The following PTPRN2 variants were observed in gnomAD, a reference collection of about 807,000 sequenced individuals.
PTPRN2 encodes the protein protein tyrosine phosphatase receptor type N2.
A neutral mutation model predicts 118.8 loss-of-function variants in PTPRN2; 74 were observed. The observed-to-expected ratio is 0.62, with a 90% confidence interval of 0.52 to 0.76. PTPRN2 has a LOEUF of 0.76. PTPRN2 is among the 30% of genes least tolerant of loss of function. PTPRN2 has a pLI of 0.00. For synonymous variants in PTPRN2, 641 were observed against 608.0 expected (o/e 1.05, Z -0.80); for missense variants, 1,481 against 1,394.4 (o/e 1.06, Z -0.99).
At chr7:158,368,704 C>T (rs939000924) in intron 2 of PTPRN2, among the ~76,000 whole-genome samples, 1 of 152,224 alleles carries the variant, frequency 6.6e-6, no homozygotes, top group African/African-American at 2.4e-5. Flanking sequence ...TCAGCCCCCT[C>T]CCCTGCAGGT....
chr7:158,434,684 CT>C (rs1344220570), intron 2 of PTPRN2, among the ~76,000 whole-genome samples: 1 of 152,004 alleles, frequency 6.6e-6, no homozygotes, highest in Non-Finnish European at 1.5e-5. Context: ...ACTATCTTAC[CT>C]TGTTTTTTTA....
At chr7:158,420,113 G>A (rs1036139346) in intron 2 of PTPRN2, among the ~76,000 whole-genome samples, 1 of 152,176 alleles carries the variant, frequency 6.6e-6, no homozygotes, top group Non-Finnish European at 1.5e-5. Context: ...ACAACAGTGA[G>A]TAAAGAACTG....
At chr7:158,319,139 A>C (rs1208891418) in intron 2 of PTPRN2, among the ~76,000 whole-genome samples, 1 of 152,190 alleles carries the variant, frequency 6.6e-6, no homozygotes, top group African/African-American at 2.4e-5. Flanking sequence ...GAATATATAC[A>C]ATATAATGCA....
In PTPRN2 at chr7:157,866,580, C is replaced by T. The variant is rs868709406; in HGVS notation, c.1788+32093G>A. 2.1e-4 allele frequency among the ~76,000 whole-genome samples: 32 copies of T among 152,206 alleles called. No individual in the cohort carries two copies. In the East Asian group the frequency reaches 5.0e-3, roughly 24 times the overall value. Reference sequence around the variant, plus strand: ...ACAACCATGAGGTCTGCAGGAAACACGTCCATAGAGGTGGAGCTGAGGCTG... The same window carrying T: ...ACAACCATGAGGTCTGCAGGAAACATGTCCATAGAGGTGGAGCTGAGGCTG... On this transcript the variant is annotated intron_variant, in intron 12 of 22. Transcript: ENST00000389418.
intron 2 of PTPRN2, among the ~76,000 whole-genome samples, chr7:158,444,947 G>T (rs961306105): frequency 2.0e-5 from 3 of 147,308 alleles, no homozygotes; most frequent in African/African-American, 8.1e-5. Context: ...GGCCGCACCC[G>T]GCGGGGCACC....
intron 11 of PTPRN2, among the ~76,000 whole-genome samples, chr7:157,971,971 T>C (rs539272111): frequency 1.4e-4 from 21 of 152,378 alleles, no homozygotes; most frequent in African/African-American, 4.6e-4. Flanking sequence ...GTGAGAACTA[T>C]GAAAGCAGAG....
At chr7:158,531,117 T>G (rs1014802202) in intron 1 of PTPRN2, among the ~76,000 whole-genome samples, 1 of 152,172 alleles carries the variant, frequency 6.6e-6, no homozygotes, top group Non-Finnish European at 1.5e-5. Flanking sequence ...AGAGGATCCC[T>G]AAGCTGCGAT....
intron 12 of PTPRN2, among the ~76,000 whole-genome samples, chr7:157,722,095 A>G (rs1233487950): frequency 6.6e-6 from 1 of 152,034 alleles, no homozygotes; most frequent in African/African-American, 2.4e-5. Flanking sequence ...GGTCCCTGTC[A>G]TGAGGTTACA....
At chr7:158,211,438 G>T (rs1240159318) in intron 3 of PTPRN2, among the ~76,000 whole-genome samples, 3 of 151,978 alleles carry the variant, frequency 2.0e-5, no homozygotes, top group Non-Finnish European at 4.4e-5. Context: ...CAGAATAGGA[G>T]AAAATATTTG....
intron 2 of PTPRN2, among the ~76,000 whole-genome samples, chr7:158,417,834 TCA>T (rs1341494626): frequency 6.7e-6 from 1 of 148,154 alleles, no homozygotes; most frequent in African/African-American, 2.5e-5. Flanking sequence ...CTGTGTTAAG[TCA>T]CAGTGTACTA....
At chr7:157,712,375 G>A (rs1001768795) in intron 12 of PTPRN2, among the ~76,000 whole-genome samples, 2 of 152,150 alleles carry the variant, frequency 1.3e-5, no homozygotes, top group Non-Finnish European at 2.9e-5. Context: ...CTTGGAAAAA[G>A]GACCTTCACA....
At position 158,266,597 on chromosome 7, in the gene PTPRN2, G is replaced by A. The variant is rs150639359; in HGVS notation, c.277+50222C>T. ...GCTGTGAGCATCAGGCCTGAATTCCGTGAACTGAGGAACAGCCTGACAGAG... is the reference window on the plus strand; with the variant it reads ...GCTGTGAGCATCAGGCCTGAATTCCATGAACTGAGGAACAGCCTGACAGAG... On this transcript the variant is annotated intron_variant, in intron 3 of 22. Transcript: ENST00000389418. 4.8e-3 allele frequency among the ~76,000 whole-genome samples: 735 copies of A among 152,308 alleles called. 4 individuals carry two copies. Among genetic ancestry groups the A allele is most frequent in the African/African-American group, 0.017 (692 of 41,552 alleles).
intron 1 of PTPRN2, among the ~76,000 whole-genome samples, chr7:158,496,104 G>T (rs1050729722): frequency 6.6e-6 from 1 of 151,846 alleles, no homozygotes; most frequent in African/African-American, 2.4e-5. Flanking sequence ...ACCTGGCAGC[G>T]GCCTGGACGG....
chr7:157,589,193 A>G (rs1800848756), intron 17 of PTPRN2, among the ~76,000 whole-genome samples: 1 of 152,246 alleles, frequency 6.6e-6, no homozygotes, highest in East Asian at 1.9e-4. Context: ...CGGGGACCCC[A>G]TGAGGTGGAA....
In PTPRN2 at chr7:158,505,511, C is replaced by G. The variant is rs372121245; in HGVS notation, c.113-15726G>C. 6.6e-5 allele frequency among the ~76,000 whole-genome samples: 10 copies of G among 152,328 alleles called. No individual in the cohort carries two copies. In the East Asian group the frequency reaches 1.9e-3, roughly 29 times the overall value. On this transcript the variant is annotated intron_variant, in intron 1 of 22. Transcript: ENST00000389418. The stretch of plus-strand genomic sequence containing the variant: ...GTTCACTACCAGAGAAAAATTAATG[C>G]AGGGCTGTCAACAGGCTCCTAAGGT...
intron 11 of PTPRN2, among the ~76,000 whole-genome samples, chr7:158,006,378 C>A (rs1160857064): frequency 6.6e-6 from 1 of 152,226 alleles, no homozygotes; most frequent in African/African-American, 2.4e-5. Flanking sequence ...CCAGCCTGGT[C>A]TGGCCCTGGA....
intron 12 of PTPRN2, among the ~76,000 whole-genome samples, chr7:157,880,318 C>T (rs917112761): frequency 4.6e-5 from 7 of 152,180 alleles, no homozygotes; most frequent in Admixed American, 1.3e-4. Flanking sequence ...CTCTACCCGC[C>T]GCACACCAAA....
chr7:158,150,453 C>T (rs760188754), intron 6 of PTPRN2, among the ~76,000 whole-genome samples: 4 of 152,186 alleles, frequency 2.6e-5, no homozygotes, highest in Non-Finnish European at 4.4e-5. Context: ...TGACCTGGCA[C>T]TGACGCAGCA....
At chr7:158,521,289 A>C (rs1341436846) in intron 1 of PTPRN2, among the ~76,000 whole-genome samples, 1 of 152,222 alleles carries the variant, frequency 6.6e-6, no homozygotes, top group Non-Finnish European at 1.5e-5. Flanking sequence ...GAAAACATCT[A>C]GACCAACGCA....
Sources: allele counts gnomAD v4.1 joint callset (sites outside exome capture counted in the v4.1 genomes callset), GRCh38; gene constraint gnomAD v4.1.1; transcripts MANE v1.5; gene names NCBI Gene and HGNC (gene_info 2026-07-23, HGNC 2026-07-21).